Variants in PLXDC2 observed in about 807,000 individuals in gnomAD.
PLXDC2 encodes plexin domain-containing protein 2.
A neutral mutation model predicts 68.9 loss-of-function variants in PLXDC2; 40 were observed. The observed-to-expected ratio is 0.58, with a 90% CI of 0.45 to 0.76. PLXDC2 has a LOEUF of 0.76. PLXDC2 is among the 30% of genes least tolerant of loss of function. The pLI is 0.00. For synonymous variants in PLXDC2, 243 were observed against 234.2 expected (o/e 1.04, Z -0.34); for missense variants, 644 against 661.9 (o/e 0.97, Z 0.30).
intron 10 of PLXDC2, among the ~76,000 whole-genome samples, chr10:20,212,357 C>T (rs1168553861): frequency 6.6e-6 from 1 of 151,960 alleles, no homozygotes; most frequent in Non-Finnish European, 1.5e-5. Context: ...AATGTTAACT[C>T]TGAGGGAAAC....
At chr10:20,048,936 G>T (rs1215320730) in intron 3 of PLXDC2, among the ~76,000 whole-genome samples, 1 of 152,016 alleles carries the variant, frequency 6.6e-6, no homozygotes, top group East Asian at 1.9e-4. Context: ...TTTAACACTT[G>T]AGGTTGCCTC....
chr10:19,943,261 A>T (rs1302060937), intron 1 of PLXDC2, among the ~76,000 whole-genome samples: 1 of 131,754 alleles, frequency 7.6e-6, no homozygotes, highest in Non-Finnish European at 1.6e-5. Context: ...TTTTCTTATA[A>T]GTGTTCTGTA....
intron 1 of PLXDC2, among the ~76,000 whole-genome samples, chr10:19,890,681 T>C (rs1252896348): frequency 7.1e-6 from 1 of 141,156 alleles, no homozygotes. Context: ...GGCTGCTTTT[T>C]TTTTTTTTTT....
chr10:20,217,148 G>A (rs1441365687), intron 10 of PLXDC2, among the ~76,000 whole-genome samples: 2 of 151,994 alleles, frequency 1.3e-5, no homozygotes, highest in African/African-American at 4.8e-5. Context: ...GTAAAATTTA[G>A]GGCAAGGTAA....
intron 12 of PLXDC2, among the ~76,000 whole-genome samples, chr10:20,244,902 A>G (rs2119334098): frequency 6.6e-6 from 1 of 152,236 alleles, no homozygotes; most frequent in Non-Finnish European, 1.5e-5. Flanking sequence ...GATCACCTGA[A>G]TCAGGATTTC....
chr10:20,074,682 T>C (rs1010980225), intron 4 of PLXDC2, among the ~76,000 whole-genome samples: 1 of 152,182 alleles, frequency 6.6e-6, no homozygotes, highest in South Asian at 2.1e-4. Flanking sequence ...TCATACTCTT[T>C]ATAGGGACTT....
At chr10:20,173,580 G>C (rs903772369) in intron 7 of PLXDC2, among the ~76,000 whole-genome samples, 1 of 152,114 alleles carries the variant, frequency 6.6e-6, no homozygotes, top group Non-Finnish European at 1.5e-5. Flanking sequence ...ATCGCCTTAA[G>C]CTTTCGATCA....
chr10:19,980,068 C>G (rs1834526704), intron 1 of PLXDC2, among the ~76,000 whole-genome samples: 1 of 152,198 alleles, frequency 6.6e-6, no homozygotes, highest in Admixed American at 6.5e-5. Flanking sequence ...CATAGAGCCT[C>G]TGACTTCGTG....
chr10:20,226,087 C>G (rs991491088), intron 12 of PLXDC2, among the ~76,000 whole-genome samples: 20 of 152,328 alleles, frequency 1.3e-4, no homozygotes, highest in Non-Finnish European at 2.4e-4. Flanking sequence ...GTATTTTACT[C>G]TGAAACTACC....
intron 1 of PLXDC2, among the ~76,000 whole-genome samples, chr10:19,937,170 T>C (rs1193502918): frequency 1.3e-5 from 2 of 152,184 alleles, no homozygotes; most frequent in East Asian, 1.9e-4. Flanking sequence ...TCCAGGATTA[T>C]GTTTTTCAAA....
At chr10:20,238,677 G>GTGTATATATATATATAGATATATATATA (rs1554777563) in intron 12 of PLXDC2, among the ~76,000 whole-genome samples, 1 of 76,884 alleles carries the variant, frequency 1.3e-5, no homozygotes, top group African/African-American at 4.7e-5. Context: ...ATATATATAT[G>GTGTATATATATATATAGATATATATATA]TATATATATA....
intron 4 of PLXDC2, among the ~76,000 whole-genome samples, chr10:20,109,884 G>A (rs1359693899): frequency 6.6e-6 from 1 of 152,134 alleles, no homozygotes; most frequent in East Asian, 1.9e-4. Context: ...CCCTCAGCTT[G>A]CTAAACGGAG....
At chr10:19,894,106 AG>A (rs1838014378) in intron 1 of PLXDC2, among the ~76,000 whole-genome samples, 1 of 152,224 alleles carries the variant, frequency 6.6e-6, no homozygotes, top group Non-Finnish European at 1.5e-5. Flanking sequence ...CACAGGCTAT[AG>A]TGCAGAACTG....
At chr10:19,834,982 A>G (rs945799011) in intron 1 of PLXDC2, among the ~76,000 whole-genome samples, 2 of 152,088 alleles carry the variant, frequency 1.3e-5, no homozygotes, top group African/African-American at 4.8e-5. Flanking sequence ...CTAGGGAGGT[A>G]TGTCTGGGTC....
At chr10:19,923,107 G>A (rs1285085301) in intron 1 of PLXDC2, among the ~76,000 whole-genome samples, 1 of 152,042 alleles carries the variant, frequency 6.6e-6, no homozygotes, top group Admixed American at 6.6e-5. Flanking sequence ...GCTGTTCAGG[G>A]CTTTATTTCT....
intron 1 of PLXDC2, among the ~76,000 whole-genome samples, chr10:19,866,571 A>G (rs904156651): frequency 3.3e-5 from 5 of 152,180 alleles, no homozygotes; most frequent in Non-Finnish European, 7.4e-5. Context: ...ATTTCCACCT[A>G]GAATTTCCCA....
intron 4 of PLXDC2, among the ~76,000 whole-genome samples, chr10:20,129,046 T>A (rs1185084553): frequency 6.6e-6 from 1 of 152,180 alleles, no homozygotes; most frequent in Non-Finnish European, 1.5e-5. Flanking sequence ...TTTAATTTTG[T>A]GGAAATCCTC....
At chr10:20,201,151 A>G (rs1834911871) in intron 9 of PLXDC2, among the ~76,000 whole-genome samples, 1 of 152,126 alleles carries the variant, frequency 6.6e-6, no homozygotes, top group East Asian at 1.9e-4. Context: ...AGATCAATGG[A>G]TGAAGAAAAT....
chr10:20,017,397 T>C (rs1254303469), intron 2 of PLXDC2, among the ~76,000 whole-genome samples: 1 of 152,166 alleles, frequency 6.6e-6, no homozygotes, highest in Non-Finnish European at 1.5e-5. Context: ...CAGTAATCCA[T>C]CTCTCAACCT....
Sources: allele counts gnomAD v4.1 joint callset (sites outside exome capture counted in the v4.1 genomes callset), GRCh38; gene constraint gnomAD v4.1.1; transcripts MANE v1.5; gene names NCBI Gene and HGNC (gene_info 2026-07-23, HGNC 2026-07-21).